Variants in MYH10 observed in about 807,000 individuals in gnomAD.
MYH10 encodes myosin-10.
In MYH10, 55 loss-of-function variants were observed where a neutral mutation model predicts 257.8. That is an observed-to-expected ratio of 0.21 (90% confidence interval 0.17 to 0.27). MYH10 has a LOEUF of 0.27. MYH10 is among the 10% of genes least tolerant of loss of function. The probability of loss-of-function intolerance (pLI) is 1.00; values close to 1 mark genes in which losing one functional copy is unlikely to be tolerated. For synonymous variants in MYH10, 854 were observed against 921.7 expected, an observed-to-expected ratio of 0.93 and a Z score of 1.33; for missense variants, 1,631 against 2,500.6, an observed-to-expected ratio of 0.65 and a Z score of 7.42.
In MYH10 at chr17:8,548,714, T is replaced by A; in HGVS notation, c.993A>T (p.Gln331His). ...TGGTCTCCTGGAAATTATCTTTGTC[T>A]TGCTGTCCCGGAATAGGAATATAGC... ...SNGYIPIPGQ[Q>H]DKDNFQETME... The change falls in exon 10 of 43, where the codon CAA (glutamine) becomes CAT (histidine). Residue 331 changes from glutamine (Q) to histidine (H), a missense_variant. Gln to His is a conservative substitution (Grantham distance 24, BLOSUM62 0). This residue lies in a region of MYH10 where 360 missense variants were observed against 581.9 expected (regional missense o/e 0.62). Coordinates refer to ENST00000360416, the MANE Select transcript of MYH10 (RefSeq NM_001256012.3). 6.2e-7 allele frequency: 1 copy of A among 1,614,050 alleles called. No homozygotes were observed. Among genetic ancestry groups the A allele is most frequent in the Non-Finnish European group, 8.5e-7 (1 of 1,179,902 alleles).
intron 19 of MYH10, among the ~76,000 whole-genome samples, chr17:8,520,431 G>C (rs757949614): frequency 6.6e-6 from 1 of 152,140 alleles, no homozygotes; most frequent in African/African-American, 2.4e-5. Context: ...GGGAGGCGGA[G>C]GTTGCAGTGA....
chr17:8,580,187 C>G (rs977433340), intron 4 of MYH10, among the ~76,000 whole-genome samples: 1 of 152,066 alleles, frequency 6.6e-6, no homozygotes, highest in African/African-American at 2.4e-5. Context: ...CAAGCCAGCA[C>G]CATATTCAGT....
chr17:8,597,320 A>T (rs1461453522), intron 3 of MYH10, among the ~76,000 whole-genome samples: 1 of 151,926 alleles, frequency 6.6e-6, no homozygotes, highest in African/African-American at 2.4e-5. Context: ...AAGAAAGAAA[A>T]GAAAGGAGAA....
chr17:8,619,201 A>G (rs927261030), intron 2 of MYH10, among the ~76,000 whole-genome samples: 1 of 152,226 alleles, frequency 6.6e-6, no homozygotes, highest in Non-Finnish European at 1.5e-5. Context: ...AGATTTAATA[A>G]AATCAATTAT....
intron 29 of MYH10, 64 bp downstream of exon 29, chr17:8,500,762 G>A: frequency 1.3e-6 from 2 of 1,569,360 alleles, no homozygotes; most frequent in Non-Finnish European, 1.7e-6. Flanking sequence ...CGGGCAGATA[G>A]GATGGGAGTG....
chr17:8,541,936 T>C, intron 14 of MYH10, 171 bp downstream of exon 14: 3 of 617,146 alleles, frequency 4.9e-6, no homozygotes, highest in Non-Finnish European at 7.9e-6. Flanking sequence ...GGCATGCTAC[T>C]GACTTTTAAA....
At chr17:8,585,954 A>C (rs1322311343) in intron 4 of MYH10, among the ~76,000 whole-genome samples, 4 of 152,250 alleles carry the variant, frequency 2.6e-5, no homozygotes, top group Admixed American at 6.5e-5. Context: ...GAAGGGATTA[A>C]TAGCCCACTA....
chr17:8,607,949 C>G (rs1250074806), intron 2 of MYH10, among the ~76,000 whole-genome samples: 1 of 152,110 alleles, frequency 6.6e-6, no homozygotes, highest in Non-Finnish European at 1.5e-5. Context: ...AATGCAGACC[C>G]AAATGGTCTT....
intron 17 of MYH10, among the ~76,000 whole-genome samples, chr17:8,524,319 G>A (rs1191068504): frequency 1.3e-5 from 2 of 151,840 alleles, no homozygotes; most frequent in African/African-American, 2.4e-5. Flanking sequence ...GCGTGGTGGT[G>A]CACACCTGTA....
intron 17 of MYH10, among the ~76,000 whole-genome samples, chr17:8,523,995 T>G (rs1337044815): frequency 6.6e-6 from 1 of 152,040 alleles, no homozygotes; most frequent in Non-Finnish European, 1.5e-5. Flanking sequence ...AAATGTCAAG[T>G]GACAAGAGGA....
intron 9 of MYH10, among the ~76,000 whole-genome samples, chr17:8,549,699 G>A (rs1028065991): frequency 2.6e-5 from 4 of 151,942 alleles, no homozygotes. Flanking sequence ...GAATTTACTC[G>A]CTCTCCCTCT....
chr17:8,517,812 G>GCTCC (rs1157472842), intron 21 of MYH10, among the ~76,000 whole-genome samples: 1 of 152,108 alleles, frequency 6.6e-6, no homozygotes, highest in Non-Finnish European at 1.5e-5. Flanking sequence ...CTCTCACCTT[G>GCTCC]CTCCCTCTCA....
chr17:8,495,367 G>GT lies in MYH10; in HGVS notation c.3952-127dup, dbSNP rs1597643337. ...GTGTGAACCTGAAACTACCCATTCAGTTAAGGAAGACTCACCACCAAGAGT... is the reference window on the plus strand; with the variant it reads ...GTGTGAACCTGAAACTACCCATTCAGTTTAAGGAAGACTCACCACCAAGAGT... On this transcript the variant is annotated intron_variant, in intron 30 of 42. Coordinates refer to ENST00000360416, the MANE Select transcript of MYH10 (RefSeq NM_001256012.3). 2.8e-5 allele frequency: 18 copies of GT among 637,156 alleles called. No individual in the cohort carries two copies. The East Asian group carries it at 4.9e-4, about 17-fold the overall frequency. 39.5% of individuals were successfully genotyped at this position (637,156 alleles called of 1,614,324 possible). A position where few individuals can be genotyped will look rare whatever the true frequency, so the allele number is the denominator to read the frequency against.
intron 6 of MYH10, among the ~76,000 whole-genome samples, chr17:8,571,084 T>C (rs1304985017): frequency 1.3e-5 from 2 of 152,218 alleles, no homozygotes; most frequent in Non-Finnish European, 2.9e-5. Flanking sequence ...ATCGGTTTAT[T>C]TTCTTGGCAT....
intron 32 of MYH10, among the ~76,000 whole-genome samples, 161 bp from the exon 33 acceptor site, chr17:8,493,185 C>A (rs575648801): frequency 5.3e-5 from 8 of 151,994 alleles, no homozygotes; most frequent in Non-Finnish European, 7.4e-5. Flanking sequence ...CATAGTGAAA[C>A]CTCATCTCTA....
chr17:8,625,243 T>C (rs2085629654), intron 1 of MYH10, among the ~76,000 whole-genome samples: 1 of 152,094 alleles, frequency 6.6e-6, no homozygotes, highest in Non-Finnish European at 1.5e-5. Context: ...AGAGCAAGAC[T>C]CCGTCTCAAA....
intron 38 of MYH10, 200 bp from the exon 39 acceptor site, chr17:8,480,725 C>G: frequency 1.5e-6 from 1 of 668,172 alleles, no homozygotes; most frequent in Non-Finnish European, 2.6e-6. Flanking sequence ...CTGCCACCAC[C>G]CAGATGCAGG....
intron 4 of MYH10, among the ~76,000 whole-genome samples, chr17:8,584,006 A>G (rs1169646596): frequency 1.3e-5 from 2 of 152,142 alleles, no homozygotes; most frequent in African/African-American, 2.4e-5. Flanking sequence ...TTCTGATGAG[A>G]AGGAAAATCA....
At chr17:8,614,243 A>C (rs1472702945) in intron 2 of MYH10, among the ~76,000 whole-genome samples, 2 of 151,724 alleles carry the variant, frequency 1.3e-5, no homozygotes, top group African/African-American at 2.4e-5. Flanking sequence ...CAAGGGGGGA[A>C]TCTATTAGAA....
Sources: allele counts gnomAD v4.1 joint callset (sites outside exome capture counted in the v4.1 genomes callset), GRCh38; gene constraint gnomAD v4.1.1; regional missense constraint gnomAD v4.1.1; transcripts MANE v1.5; gene names NCBI Gene and HGNC (gene_info 2026-07-23, HGNC 2026-07-21).